USP6NL: variants seen among roughly 807,000 people sequenced by gnomAD.
USP6NL encodes the protein USP6 N-terminal-like protein.
USP6NL carries 26 observed loss-of-function variants against 61.9 expected under a neutral mutation model. The ratio of observed to expected loss-of-function variants is 0.42; its 90% CI spans 0.31 to 0.58. The LOEUF (loss-of-function observed/expected upper bound fraction) is 0.58, where lower values mean the gene tolerates loss of function less well. Among genes scored for constraint, USP6NL ranks in the 20% least tolerant of loss-of-function variants. The pLI, the probability that USP6NL is intolerant of heterozygous loss-of-function variation, is 0.16. For missense variants in USP6NL, 1,114 were observed against 1,034.3 expected (o/e 1.08, Z -1.06); for synonymous variants, 432 against 390.1 (o/e 1.11, Z -1.27).
chr10:11,580,076 G>GT (rs993416191), intron 2 of USP6NL, among the ~76,000 whole-genome samples: 9 of 148,850 alleles, frequency 6.0e-5, no homozygotes, highest in African/African-American at 2.2e-4. Flanking sequence ...TACAATTTAC[G>GT]TAACAGCCTC....
intron 2 of USP6NL, among the ~76,000 whole-genome samples, chr10:11,551,646 G>A (rs1476724234): frequency 6.6e-6 from 1 of 152,194 alleles, no homozygotes; most frequent in East Asian, 1.9e-4. Flanking sequence ...GCTACTGAGT[G>A]GTGGTGCCAC....
intron 2 of USP6NL, among the ~76,000 whole-genome samples, chr10:11,559,562 T>G (rs1836845294): frequency 6.7e-6 from 1 of 149,380 alleles, no homozygotes. Context: ...TGTATGGAGC[T>G]CCAAACATAC....
chr10:11,573,434 G>C (rs1282680452), intron 2 of USP6NL: 1 of 386,896 alleles, frequency 2.6e-6, no homozygotes, highest in Non-Finnish European at 4.6e-6. Flanking sequence ...TAATAATGAG[G>C]CATGTTAACA....
rs886559313 is a variant in USP6NL at position 11,548,202 on chromosome 10, T to C, written c.5-20635A>G. ...GGCCTGTAAATACAAAACTCTGACA[T>C]ATTCACACTGTCTAACACATGACAT... On this transcript the variant is annotated intron_variant, in intron 2 of 14. Transcript: ENST00000609104. The surrounding 1 kb of genome is among the most constrained non-coding windows in gnomAD (Gnocchi z 4.3). Among the ~76,000 whole-genome samples, 13 of 152,204 alleles carry C rather than the reference T, an allele frequency of 8.5e-5. No individual in the cohort carries two copies. Among genetic ancestry groups the C allele is most frequent in the African/African-American group, 3.1e-4 (13 of 41,450 alleles).
At chr10:11,559,213 G>C (rs1443721740) in intron 2 of USP6NL, among the ~76,000 whole-genome samples, 1 of 152,060 alleles carries the variant, frequency 6.6e-6, no homozygotes, top group Non-Finnish European at 1.5e-5. Context: ...AGGTTCTGAA[G>C]ATTATAAATA....
Position 11,531,118 on chromosome 10 carries a change from G to A in USP6NL, c.5-3551C>T, listed in dbSNP as rs142372583. On this transcript the variant is annotated intron_variant, in intron 2 of 14. Coordinates refer to ENST00000609104, the MANE Select transcript of USP6NL (RefSeq NM_014688.5). The stretch of plus-strand genomic sequence containing the variant: ...GGACATTATCCCAAAAATTCACACC[G>A]CATGTTTATGCTCTCGTTGCATGAC... 5.8e-3 allele frequency among the ~76,000 whole-genome samples: 889 copies of A among 152,216 alleles called. 3 individuals carry two copies. Among genetic ancestry groups the A allele is most frequent in the Admixed American group, 0.01 (156 of 15,282 alleles).
Position 11,462,307 on chromosome 10 carries a change from A to G in USP6NL, c.*134T>C, listed in dbSNP as rs759681251. The G allele has an allele frequency of 2.8e-6, 3 of 1,064,118 alleles. No individual in the cohort carries two copies. The highest frequency in any genetic ancestry group is 4.0e-6 in the Non-Finnish European group (3 of 758,796). 65.9% of individuals were successfully genotyped at this position (1,064,118 alleles called of 1,614,324 possible). Reference sequence around the variant, plus strand: ...CGTGGGGCTGAAGACATTTCCCTGTATTCTTACTACTAACAGACAGGAGAG... The same window carrying G: ...CGTGGGGCTGAAGACATTTCCCTGTGTTCTTACTACTAACAGACAGGAGAG... On this transcript the variant is annotated 3_prime_UTR_variant, in exon 15 of 15. Coordinates refer to ENST00000609104, the MANE Select transcript of USP6NL (RefSeq NM_014688.5).
chr10:11,555,433 AATATAT>A lies in USP6NL; in HGVS notation c.5-27872_5-27867del, dbSNP rs1157927483. Reference sequence around the variant, plus strand: ...TCGGTCTTAAAAAAAAAAAAAAAAAAATATATATATATATATATAGAGAGAGAGAGA... The same window carrying A: ...TCGGTCTTAAAAAAAAAAAAAAAAAAATATATATATATAGAGAGAGAGAGA... On this transcript the variant is annotated intron_variant, in intron 2 of 14. Transcript: ENST00000609104. Among the ~76,000 whole-genome samples, 79 of 49,014 alleles carry A rather than the reference AATATAT, an allele frequency of 1.6e-3. 3 individuals carry two copies. Among genetic ancestry groups the A allele is most frequent in the African/African-American group, 7.1e-3 (75 of 10,620 alleles). The allele number at this position is 49,014 out of a possible 152,430, so 32.2% of individuals were successfully genotyped here.
intron 14 of USP6NL, among the ~76,000 whole-genome samples, chr10:11,469,433 T>C (rs77137257): frequency 0.017 from 2,552 of 152,318 alleles, 65 homozygotes; most frequent in African/African-American, 0.058. Flanking sequence ...AGAAATTAGA[T>C]GTAGCAGGGT....
At chr10:11,483,415 C>G (rs150800544) in intron 13 of USP6NL, among the ~76,000 whole-genome samples, 9 of 139,528 alleles carry the variant, frequency 6.5e-5, no homozygotes, top group East Asian at 4.4e-4. Flanking sequence ...GAACATTAAG[C>G]TAATGTCTCT....
At chr10:11,547,289 C>T (rs975661910) in intron 2 of USP6NL, among the ~76,000 whole-genome samples, 3 of 152,130 alleles carry the variant, frequency 2.0e-5, no homozygotes, top group East Asian at 1.9e-4. Context: ...TATTGTCATA[C>T]GTAAACTCAA....
chr10:11,500,529 G>A (rs1390120275), intron 7 of USP6NL, among the ~76,000 whole-genome samples: 1 of 152,028 alleles, frequency 6.6e-6, no homozygotes, highest in Non-Finnish European at 1.5e-5. Context: ...GAGATGACAA[G>A]GAGATACATT....
intron 6 of USP6NL, among the ~76,000 whole-genome samples, chr10:11,501,503 G>T (rs1324280639): frequency 3.9e-5 from 6 of 152,208 alleles, no homozygotes; most frequent in Admixed American, 2.6e-4. Flanking sequence ...AGCAGTCAGT[G>T]CTCTTTTTAA....
chr10:11,531,668 TAA>T (rs71511388), intron 2 of USP6NL, among the ~76,000 whole-genome samples: 3 of 137,154 alleles, frequency 2.2e-5, no homozygotes, highest in Non-Finnish European at 3.2e-5. Flanking sequence ...GATGTTTGTT[TAA>T]AAAAAAAAAA....
chr10:11,530,329 A>G (rs922162080), intron 2 of USP6NL, among the ~76,000 whole-genome samples: 26 of 152,196 alleles, frequency 1.7e-4, no homozygotes, highest in Non-Finnish European at 2.9e-5. Flanking sequence ...GGAAAGTTTA[A>G]AAGTGTAAAG....
intron 2 of USP6NL, among the ~76,000 whole-genome samples, chr10:11,588,669 G>A (rs1040740411): frequency 6.6e-6 from 1 of 152,008 alleles, no homozygotes; most frequent in Non-Finnish European, 1.5e-5. Context: ...TATTCCATCA[G>A]AATGCAGCCA....
In USP6NL at chr10:11,478,721, A is replaced by G. The variant is rs955002979; in HGVS notation, c.1078+3049T>C. 3.3e-5 allele frequency among the ~76,000 whole-genome samples: 5 copies of G among 152,132 alleles called. No individual in the cohort carries two copies. The highest frequency in any genetic ancestry group is 2.6e-4 in the Admixed American group (4 of 15,280). On this transcript the variant is annotated intron_variant, in intron 14 of 14. Coordinates refer to ENST00000609104, the MANE Select transcript of USP6NL (RefSeq NM_014688.5). This position sits in a 1 kb window ranked among gnomAD's most constrained non-coding sequence, Gnocchi z 6.8. ...GGAGTCTGAGACCAGCCTGGGCAACATGGCAGAACCCTGCCTCTACAAAAA... is the reference window on the plus strand; with the variant it reads ...GGAGTCTGAGACCAGCCTGGGCAACGTGGCAGAACCCTGCCTCTACAAAAA...
rs570288512 is a variant in USP6NL at position 11,491,313 on chromosome 10, G to A, written c.495-433C>T. ...TCCATATCAGGCTCCAATTCAAGGTGCTGTTTTTCCCATAGCCAGGATTCA... is the reference window on the plus strand; with the variant it reads ...TCCATATCAGGCTCCAATTCAAGGTACTGTTTTTCCCATAGCCAGGATTCA... On this transcript the variant is annotated intron_variant, in intron 8 of 14. Transcript: ENST00000609104. This position sits in a 1 kb window ranked among gnomAD's most constrained non-coding sequence, Gnocchi z 4.7. Among the ~76,000 whole-genome samples, 1 of 152,292 alleles carries A rather than the reference G, an allele frequency of 6.6e-6. No homozygotes were observed. Among genetic ancestry groups the A allele is most frequent in the East Asian group, 1.9e-4 (1 of 5,194 alleles).
At chr10:11,533,104 G>A (rs1042586819) in intron 2 of USP6NL, among the ~76,000 whole-genome samples, 5 of 152,124 alleles carry the variant, frequency 3.3e-5, no homozygotes, top group East Asian at 1.9e-4. Context: ...TTAAGTTTAC[G>A]CTCAGCTTAA....
Sources: allele counts gnomAD v4.1 joint callset (sites outside exome capture counted in the v4.1 genomes callset), GRCh38; gene constraint gnomAD v4.1.1; non-coding constraint Gnocchi (gnomAD v3.1); transcripts MANE v1.5; gene names NCBI Gene and HGNC (gene_info 2026-07-23, HGNC 2026-07-21).